The following SH3GLB1 variants were observed in gnomAD, a reference collection of about 807,000 sequenced individuals.
SH3GLB1 encodes the protein endophilin-B1.
In SH3GLB1, 17 loss-of-function variants were observed where a neutral mutation model predicts 42.0. The observed-to-expected ratio is 0.40, with a 90% CI of 0.28 to 0.61. SH3GLB1 has a LOEUF of 0.61. SH3GLB1 is among the 20% of genes least tolerant of loss of function. The probability of loss-of-function intolerance (pLI) is 0.36; values close to 1 mark genes in which losing one functional copy is unlikely to be tolerated. For synonymous variants in SH3GLB1, 132 were observed against 146.6 expected (o/e 0.90, Z 0.72); for missense variants, 355 against 426.3 (o/e 0.83, Z 1.47).
At chr1:86,726,736 C>A (rs996863543) in intron 5 of SH3GLB1, among the ~76,000 whole-genome samples, 5 of 151,942 alleles carry the variant, frequency 3.3e-5, no homozygotes, top group African/African-American at 1.2e-4. Context: ...GTCTGAAATA[C>A]TTTGGGAAGA....
intron 1 of SH3GLB1, among the ~76,000 whole-genome samples, chr1:86,706,253 A>G (rs1653859786): frequency 6.6e-6 from 1 of 152,232 alleles, no homozygotes; most frequent in Non-Finnish European, 1.5e-5. Flanking sequence ...CTTCCGGGAT[A>G]AGCATTCCAG....
rs750401578 is a variant in SH3GLB1 at position 86,719,622 on chromosome 1, A to G, written c.330A>G (p.Pro110=). ...YMIDAGTEFG[P]GTAYGNALIK... is the part of the protein sequence containing the mutation. Reference sequence around the variant, plus strand: ...TTGATGCAGGGACTGAGTTTGGCCCAGGAACAGCTTATGGTAAGTGAAATG... The same window carrying G: ...TTGATGCAGGGACTGAGTTTGGCCCGGGAACAGCTTATGGTAAGTGAAATG... The change falls in exon 3 of 9, where the codon CCA becomes CCG. Residue 110 remains proline (P), a synonymous_variant. Transcript: ENST00000370558. The G allele has an allele frequency of 4.4e-6, 7 of 1,609,016 alleles. No individual in the cohort carries two copies. The East Asian group carries it at 1.6e-4, about 36-fold the overall frequency.
chr1:86,721,375 C>T (rs1000701828), intron 3 of SH3GLB1, among the ~76,000 whole-genome samples: 2 of 152,186 alleles, frequency 1.3e-5, no homozygotes, highest in African/African-American at 4.8e-5. Context: ...AATTAATCCA[C>T]AGTCACAGCT....
chr1:86,731,443 TC>T (rs371007125), intron 5 of SH3GLB1, among the ~76,000 whole-genome samples: 1 of 152,174 alleles, frequency 6.6e-6, no homozygotes, highest in Non-Finnish European at 1.5e-5. Flanking sequence ...TATGCTCTTA[TC>T]CCCCCTTTGT....
intron 5 of SH3GLB1, chr1:86,730,132 AG>A (rs1326509704): frequency 6.3e-7 from 1 of 1,585,982 alleles, no homozygotes; most frequent in Non-Finnish European, 8.6e-7. Context: ...TATTAAATAC[AG>A]AACTATGAAA....
rs1049070757 is a variant in SH3GLB1 at position 86,744,439 on chromosome 1, A to G, written c.*1204A>G. On this transcript the variant is annotated 3_prime_UTR_variant, in exon 9 of 9. Coordinates refer to ENST00000370558, the MANE Select transcript of SH3GLB1 (RefSeq NM_016009.5). Reference sequence around the variant, plus strand: ...GACCATTAAAGGATACAGAAAATTAAGCAATTATCCTATAGTAGGATTCGT... The same window carrying G: ...GACCATTAAAGGATACAGAAAATTAGGCAATTATCCTATAGTAGGATTCGT... 29 of 152,236 alleles carry G rather than the reference A, an allele frequency of 1.9e-4. No homozygotes were observed. Among genetic ancestry groups the G allele is most frequent in the Admixed American group, 1.8e-3 (28 of 15,284 alleles). 9.4% of individuals were successfully genotyped at this position (152,236 alleles called of 1,614,324 possible). A position where few individuals can be genotyped will look rare whatever the true frequency, so the allele number is the denominator to read the frequency against.
chr1:86,736,056 A>AAT (rs1312106331), intron 7 of SH3GLB1, among the ~76,000 whole-genome samples: 2 of 152,200 alleles, frequency 1.3e-5, no homozygotes, highest in African/African-American at 4.8e-5. Flanking sequence ...ATATGTTTAT[A>AAT]AAAAAGCCAG....
chr1:86,728,549 C>T (rs984192940), intron 5 of SH3GLB1: 8 of 981,452 alleles, frequency 8.2e-6, no homozygotes, highest in Middle Eastern at 2.1e-4. Flanking sequence ...TGCTATTAGC[C>T]GCTTGTAAAA....
intron 3 of SH3GLB1, among the ~76,000 whole-genome samples, chr1:86,721,502 A>G (rs770642163): frequency 1.3e-5 from 2 of 152,152 alleles, no homozygotes; most frequent in Non-Finnish European, 2.9e-5. Flanking sequence ...AGGGATTAAG[A>G]TCCTTAGAGC....
Position 86,725,322 on chromosome 1 carries a change from C to T in SH3GLB1, c.570+917C>T, listed in dbSNP as rs148481298. Among the ~76,000 whole-genome samples the T allele has an allele frequency of 3.9e-3, 591 of 151,948 alleles. 4 individuals carry two copies. Among genetic ancestry groups the T allele is most frequent in the Middle Eastern group, 0.034 (10 of 292 alleles). On this transcript the variant is annotated intron_variant, in intron 5 of 8. Transcript: ENST00000370558. ...GACTTTCAGGCAACGATGTTGAATG[C>T]GAGGAAACTCATTTGGATAAATAAA...
Position 86,722,720 on chromosome 1 carries a change from A to G in SH3GLB1, c.477+47A>G, listed in dbSNP as rs2273118. 490 of 1,477,066 alleles carry G rather than the reference A, an allele frequency of 3.3e-4. 6 individuals are homozygous for G. The East Asian group carries it at 6.8e-3, about 21-fold the overall frequency. 91.5% of individuals were successfully genotyped at this position (1,477,066 alleles called of 1,614,324 possible). On this transcript the variant is annotated intron_variant, in intron 4 of 8. Coordinates refer to ENST00000370558, the MANE Select transcript of SH3GLB1 (RefSeq NM_016009.5). Reference sequence around the variant, plus strand: ...TTATTTAGTAAAATCATTTAGATATATATACTTTTTAATGAATAATTTGGC... The same window carrying G: ...TTATTTAGTAAAATCATTTAGATATGTATACTTTTTAATGAATAATTTGGC...
intron 7 of SH3GLB1, among the ~76,000 whole-genome samples, chr1:86,740,762 A>C (rs1450945694): frequency 6.6e-6 from 1 of 152,180 alleles, no homozygotes; most frequent in Non-Finnish European, 1.5e-5. Flanking sequence ...TAAGAGGCTA[A>C]AGGGTTGGAA....
chr1:86,748,105 A>G lies in SH3GLB1; in HGVS notation c.*4870A>G, dbSNP rs1469675950. 1 of 152,032 alleles carries G rather than the reference A, an allele frequency of 6.6e-6. No individual in the cohort carries two copies. The highest frequency in any genetic ancestry group is 1.5e-5 in the Non-Finnish European group (1 of 68,022). The allele number at this position is 152,032 out of a possible 1,614,324, so 9.4% of individuals were successfully genotyped here. A position where few individuals can be genotyped will look rare whatever the true frequency, so the allele number is the denominator to read the frequency against. Reference sequence around the variant, plus strand: ...TCTCTTAATGGCTGCATGATATTCCATCATATGTGCCACATTTTATTAAAC... The same window carrying G: ...TCTCTTAATGGCTGCATGATATTCCGTCATATGTGCCACATTTTATTAAAC... On this transcript the variant is annotated 3_prime_UTR_variant, in exon 9 of 9. Transcript: ENST00000370558.
At chr1:86,716,399 C>T (rs1211815172) in intron 2 of SH3GLB1, among the ~76,000 whole-genome samples, 1 of 152,072 alleles carries the variant, frequency 6.6e-6, no homozygotes, top group African/African-American at 2.4e-5. Flanking sequence ...CTCAGCCTCC[C>T]AAGTAGCTGG....
Position 86,722,595 on chromosome 1 carries a change from A to G in SH3GLB1, c.399A>G (p.Arg133=), listed in dbSNP as rs1330523418. Reference sequence around the variant, plus strand: ...AAAAAAGAATTGGAACAGCAGACAGAGAACTGATTCAAACGTCAGCCTTAA... The same window carrying G: ...AAAAAAGAATTGGAACAGCAGACAGGGAACTGATTCAAACGTCAGCCTTAA... ...ETQKRIGTAD[R]ELIQTSALNF... is the part of the protein sequence containing the mutation. The change falls in exon 4 of 9, where the codon AGA becomes AGG. Residue 133 remains arginine (R), a synonymous_variant. Coordinates refer to ENST00000370558, the MANE Select transcript of SH3GLB1 (RefSeq NM_016009.5). 6.2e-7 allele frequency: 1 copy of G among 1,610,282 alleles called. No individual in the cohort carries two copies. The highest frequency in any genetic ancestry group is 2.2e-5 in the East Asian group (1 of 44,642).
intron 2 of SH3GLB1, 74 bp downstream of exon 2, chr1:86,715,939 TGG>T (rs1452714342): frequency 6.8e-7 from 1 of 1,466,648 alleles, no homozygotes; most frequent in Non-Finnish European, 9.2e-7. Flanking sequence ...AAAGTTTTAA[TGG>T]CCATCTGAAA....
intron 1 of SH3GLB1, among the ~76,000 whole-genome samples, chr1:86,709,459 G>C (rs1187330616): frequency 6.6e-6 from 1 of 152,160 alleles, no homozygotes; most frequent in African/African-American, 2.4e-5. Context: ...AAGATACAAA[G>C]CTGAATGAGA....
chr1:86,738,276 G>T (rs1172658886), intron 7 of SH3GLB1, among the ~76,000 whole-genome samples: 2 of 151,192 alleles, frequency 1.3e-5, no homozygotes, highest in Non-Finnish European at 2.9e-5. Context: ...GTTTTGTTTT[G>T]TTTTTTTGAG....
rs1168048821 is a variant in SH3GLB1, at chr1:86,747,290, A to G, written c.*4055A>G. 1 of 152,678 alleles carries G rather than the reference A, an allele frequency of 6.5e-6. No homozygotes were observed. The highest frequency in any genetic ancestry group is 2.4e-5 in the African/African-American group (1 of 41,462). The allele number at this position is 152,678 out of a possible 1,614,324, so 9.5% of individuals were successfully genotyped here. On this transcript the variant is annotated 3_prime_UTR_variant, in exon 9 of 9. Transcript: ENST00000370558. ...TCAATAAATTTTTGTTGAATGAAAG[A>G]AAAATGCAAATTTATAAGCCTTTTC...
Sources: gnomAD v4.1 joint callset for allele counts (sites outside exome capture counted in the v4.1 genomes callset) on GRCh38, gnomAD v4.1.1 for gene constraint, MANE v1.5 for transcripts, NCBI Gene and HGNC (gene_info 2026-07-23, HGNC 2026-07-21) for gene names.